SIAH3: variants seen among roughly 807,000 people sequenced by gnomAD.
SIAH3 encodes the protein siah E3 ubiquitin protein ligase family member 3.
Under a neutral mutation model 12.6 loss-of-function variants are expected in SIAH3, and 9 were observed. The observed-to-expected ratio is 0.72, with a 90% confidence interval of 0.43 to 1.25. SIAH3 has a LOEUF of 1.25. SIAH3 is among the 50% of genes most tolerant of loss of function. SIAH3 has a pLI of 0.00. For missense variants in SIAH3, 390 were observed against 365.4 expected (o/e 1.07, Z -0.55); for synonymous variants, 154 against 151.1 (o/e 1.02, Z -0.14).
At chr13:45,786,717 G>A (rs573806315) in intron 1 of SIAH3, among the ~76,000 whole-genome samples, 4 of 152,268 alleles carry the variant, frequency 2.6e-5, no homozygotes, top group African/African-American at 9.6e-5. Context: ...ACTGCAGTCT[G>A]TGCCTGCCTG....
chr13:45,801,657 G>C (rs185208114), intron 1 of SIAH3, among the ~76,000 whole-genome samples: 15 of 152,062 alleles, frequency 9.9e-5, no homozygotes, highest in Non-Finnish European at 2.2e-4. Flanking sequence ...ACTTAATAAC[G>C]TGTTACATTA....
intron 1 of SIAH3, among the ~76,000 whole-genome samples, chr13:45,830,151 C>A (rs1204200296): frequency 1.3e-5 from 2 of 152,194 alleles, no homozygotes; most frequent in African/African-American, 2.4e-5. Flanking sequence ...AGAATACGTC[C>A]CTTGGAAACA....
chr13:45,785,859 G>T (rs889727713), intron 1 of SIAH3, among the ~76,000 whole-genome samples: 1 of 152,154 alleles, frequency 6.6e-6, no homozygotes, highest in Non-Finnish European at 1.5e-5. Context: ...TGTGTCTTCA[G>T]CTATGAAGGA....
At chr13:45,849,381 T>C (rs76522326) in intron 1 of SIAH3, among the ~76,000 whole-genome samples, 1 of 152,234 alleles carries the variant, frequency 6.6e-6, no homozygotes, top group African/African-American at 2.4e-5. Context: ...AATTTCTAAA[T>C]TGCCTGAAGG....
intron 1 of SIAH3, among the ~76,000 whole-genome samples, chr13:45,834,277 A>C (rs2137578840): frequency 6.6e-6 from 1 of 152,320 alleles, no homozygotes; most frequent in East Asian, 1.9e-4. Flanking sequence ...TTGACACTTT[A>C]CAATGTTTTC....
intron 1 of SIAH3, among the ~76,000 whole-genome samples, chr13:45,814,347 G>A (rs1387671343): frequency 6.6e-6 from 1 of 152,010 alleles, no homozygotes; most frequent in East Asian, 1.9e-4. Flanking sequence ...GGGAGAAACT[G>A]GCAAGCAAGT....
chr13:45,815,455 T>G (rs1407388887), intron 1 of SIAH3, among the ~76,000 whole-genome samples: 4 of 152,206 alleles, frequency 2.6e-5, no homozygotes, highest in Non-Finnish European at 2.9e-5. Context: ...TCTGCCTGCC[T>G]GCCTGTTCTG....
At chr13:45,845,371 T>C (rs934377018) in intron 1 of SIAH3, among the ~76,000 whole-genome samples, 32 of 152,330 alleles carry the variant, frequency 2.1e-4, no homozygotes, top group African/African-American at 7.2e-4. Context: ...TTTGGGTGAC[T>C]GCATATGCAA....
At chr13:45,788,713 C>T (rs1950535743) in intron 1 of SIAH3, among the ~76,000 whole-genome samples, 1 of 152,218 alleles carries the variant, frequency 6.6e-6, no homozygotes, top group African/African-American at 2.4e-5. Flanking sequence ...TCTCTGGCCT[C>T]TGCTCCCTGT....
intron 1 of SIAH3, among the ~76,000 whole-genome samples, chr13:45,848,192 T>A (rs1392425632): frequency 1.3e-5 from 2 of 152,208 alleles, no homozygotes; most frequent in African/African-American, 4.8e-5. Flanking sequence ...AGAGGGCAGC[T>A]GGCCAAGAGA....
intron 1 of SIAH3, among the ~76,000 whole-genome samples, chr13:45,804,347 A>G (rs77591873): frequency 0.027 from 4,165 of 152,214 alleles, 189 homozygotes; most frequent in African/African-American, 0.095. Context: ...ATATAATTCT[A>G]TTTACATGAA....
chr13:45,806,065 A>G (rs1473904416), intron 1 of SIAH3, among the ~76,000 whole-genome samples: 1 of 152,172 alleles, frequency 6.6e-6, no homozygotes, highest in Non-Finnish European at 1.5e-5. Flanking sequence ...AAGACAAAAA[A>G]TAACATGTTG....
At chr13:45,814,564 T>C (rs753467510) in intron 1 of SIAH3, among the ~76,000 whole-genome samples, 12 of 152,148 alleles carry the variant, frequency 7.9e-5, no homozygotes, top group Non-Finnish European at 1.8e-4. Context: ...TGTGAGGTGC[T>C]GCTGCCCTAG....
At chr13:45,843,950 C>A (rs900593802) in intron 1 of SIAH3, among the ~76,000 whole-genome samples, 23 of 152,280 alleles carry the variant, frequency 1.5e-4, no homozygotes, top group African/African-American at 5.3e-4. Context: ...GTCTAAAACC[C>A]TGAAAATCTC....
At chr13:45,803,666 T>A (rs1237543567) in intron 1 of SIAH3, among the ~76,000 whole-genome samples, 1 of 152,070 alleles carries the variant, frequency 6.6e-6, no homozygotes, top group Non-Finnish European at 1.5e-5. Flanking sequence ...TCCTGGAAGG[T>A]CAAGGTAGTT....
chr13:45,783,310 T>C lies in SIAH3; in HGVS notation c.*73A>G. On this transcript the variant is annotated 3_prime_UTR_variant, in exon 2 of 2. Coordinates refer to ENST00000400405, the MANE Select transcript of SIAH3 (RefSeq NM_198849.3). The stretch of plus-strand genomic sequence containing the variant: ...GAAAGGAGAAGAATAAAAAGGAGTC[T>C]GGAGTCCTGGTATTGGGAGGTCCCA... The C allele has an allele frequency of 8.4e-7, 1 of 1,193,512 alleles. No individual in the cohort carries two copies. Among genetic ancestry groups the C allele is most frequent in the Non-Finnish European group, 1.2e-6 (1 of 854,878 alleles). 73.9% of individuals were successfully genotyped at this position (1,193,512 alleles called of 1,614,324 possible).
chr13:45,805,581 G>A (rs1234758820), intron 1 of SIAH3, among the ~76,000 whole-genome samples: 1 of 152,100 alleles, frequency 6.6e-6, no homozygotes, highest in Non-Finnish European at 1.5e-5. Flanking sequence ...ATTAACTCAA[G>A]ATGGATTAAA....
At chr13:45,845,509 T>C (rs1456434931) in intron 1 of SIAH3, among the ~76,000 whole-genome samples, 1 of 152,226 alleles carries the variant, frequency 6.6e-6, no homozygotes, top group Non-Finnish European at 1.5e-5. Context: ...GTTTATACAT[T>C]TCCCTTTTGA....
At chr13:45,841,458 T>G (rs555716497) in intron 1 of SIAH3, among the ~76,000 whole-genome samples, 1 of 152,200 alleles carries the variant, frequency 6.6e-6, no homozygotes, top group South Asian at 2.1e-4. Flanking sequence ...TCAGGCTACT[T>G]GCTCCATGCT....
Sources: allele counts gnomAD v4.1 joint callset (sites outside exome capture counted in the v4.1 genomes callset), GRCh38; gene constraint gnomAD v4.1.1; transcripts MANE v1.5; gene names NCBI Gene and HGNC (gene_info 2026-07-23, HGNC 2026-07-21).